The following TEX55 variants were observed in gnomAD, a reference collection of about 807,000 sequenced individuals.
The protein encoded by TEX55 is testis expressed 55, also known as testis-specific expressed protein 55.
In TEX55, 31 loss-of-function variants were observed where a neutral mutation model predicts 44.6. The ratio of observed to expected loss-of-function variants is 0.69; its 90% CI spans 0.52 to 0.94. TEX55 has a LOEUF of 0.94. TEX55 is among the 40% of genes least tolerant of loss of function. The probability of loss-of-function intolerance (pLI) is 0.00; values close to 1 mark genes in which losing one functional copy is unlikely to be tolerated. For missense variants in TEX55, 639 were observed against 638.4 expected (o/e 1.00, Z -0.01); for synonymous variants, 230 against 230.9 (o/e 1.00, Z 0.04).
intron 2 of TEX55, among the ~76,000 whole-genome samples, chr3:119,149,156 T>A (rs1399870902): frequency 1.3e-5 from 2 of 152,248 alleles, no homozygotes; most frequent in East Asian, 1.9e-4. Flanking sequence ...TAATTTTTTT[T>A]AATCTGACTT....
At chr3:119,148,411 T>C (rs1440036107) in intron 2 of TEX55, 88 bp downstream of exon 2, 4 of 1,259,694 alleles carry the variant, frequency 3.2e-6, no homozygotes, top group African/African-American at 1.5e-5. Flanking sequence ...ATATTCTAAT[T>C]GAGAAGACAA....
rs772524159 is a variant in TEX55 at position 119,146,956 on chromosome 3, T to A, written c.767T>A (p.Val256Glu). Residue 256 changes from valine (V) to glutamate (E), a missense_variant, in exon 1 of 3, where the codon GTA becomes GAA. Transcript: ENST00000295622. ...GTACCATCTGACCAAAGACCTTCCG[T>A]ACAGATTGACCGCAGAATGTCAGGG... Reference protein sequence around the residue: ...SSVPSDQRPSVQIDRRMSGKV... With the variant: ...SSVPSDQRPSEQIDRRMSGKV... 7.4e-6 allele frequency: 12 copies of A among 1,614,038 alleles called. No individual in the cohort carries two copies. Among genetic ancestry groups the A allele is most frequent in the Non-Finnish European group, 1.0e-5 (12 of 1,180,008 alleles).
Position 119,147,573 on chromosome 3 carries a change from A to G in TEX55, c.1384A>G (p.Ile462Val). Reference sequence around the variant, plus strand: ...CAGCAGTCAAGAAAAAACTCAAGCCATAGTAACCAAATCTGTAAGTTAAAT... The same window carrying G: ...CAGCAGTCAAGAAAAAACTCAAGCCGTAGTAACCAAATCTGTAAGTTAAAT... ...YTSSQEKTQA[I>V]VTKSDEFSEI... The change falls in exon 1 of 3, where the codon ATA becomes GTA. Residue 462 changes from isoleucine to valine, a missense_variant. Transcript: ENST00000295622. 2 of 1,612,976 alleles carry G rather than the reference A, an allele frequency of 1.2e-6. No individual in the cohort carries two copies. The highest frequency in any genetic ancestry group is 2.2e-5 in the East Asian group (1 of 44,874).
chr3:119,146,223 C>T lies in TEX55; in HGVS notation c.34C>T (p.Pro12Ser), dbSNP rs556044715. 14 of 1,609,558 alleles carry T rather than the reference C, an allele frequency of 8.7e-6. No homozygotes were observed. In the South Asian group the frequency reaches 1.4e-4, roughly 16 times the overall value. ...EEPPQEALAE[P>S]LKHESPAAPS... Reference sequence around the variant, plus strand: ...GCCTCCGCAAGAGGCTCTGGCTGAACCCTTGAAACATGAAAGCCCAGCCGC... The same window carrying T: ...GCCTCCGCAAGAGGCTCTGGCTGAATCCTTGAAACATGAAAGCCCAGCCGC... The change falls in exon 1 of 3, where the codon CCC becomes TCC. Residue 12 changes from proline to serine, a missense_variant. Pro to Ser is a moderately conservative substitution (Grantham distance 74). Coordinates refer to ENST00000295622, the MANE Select transcript of TEX55 (RefSeq NM_152539.3).
rs1378119032 is a variant in TEX55, at chr3:119,146,847, A to C, written c.658A>C (p.Arg220=). 2.5e-6 allele frequency: 4 copies of C among 1,614,118 alleles called. No homozygotes were observed. Among genetic ancestry groups the C allele is most frequent in the Non-Finnish European group, 3.4e-6 (4 of 1,180,046 alleles). ...ACACAGATTATCCAAACTATCTGAG[A>C]GAAGACCTTCTGTGCAGATTGACAG... The part of the protein sequence containing the change: ...ITHRLSKLSE[R]RPSVQIDSGS... The change falls in exon 1 of 3, where the codon AGA becomes CGA. Residue 220 remains arginine, a synonymous_variant. Transcript: ENST00000295622.
intron 2 of TEX55, among the ~76,000 whole-genome samples, chr3:119,149,478 C>G (rs942625869): frequency 6.6e-6 from 1 of 152,134 alleles, no homozygotes. Context: ...CCTGAAAAAC[C>G]TCCCTGCTGT....
In TEX55 at chr3:119,147,506, T is replaced by C. The variant is rs923407321; in HGVS notation, c.1317T>C (p.Leu439=). ...TSNFQAKDQA[L]FPRLPSISSK... ...ACTTCCAAGCAAAAGACCAAGCTCT[T>C]TTCCCAAGACTCCCCTCCATCTCAT... Residue 439 remains leucine (L), a synonymous_variant, in exon 1 of 3, where the codon CTT becomes CTC. Coordinates refer to ENST00000295622, the MANE Select transcript of TEX55 (RefSeq NM_152539.3). 4 of 1,614,010 alleles carry C rather than the reference T, an allele frequency of 2.5e-6. No individual in the cohort carries two copies. The highest frequency in any genetic ancestry group is 1.6e-4 in the Middle Eastern group (1 of 6,084).
chr3:119,146,741 C>T lies in TEX55; in HGVS notation c.552C>T (p.Gly184=). ...GSRQTDHRMA[G]QSERRASEQM... ...GACAGACCGACCACAGAATGGCAGGCCAGTCTGAGAGAAGAGCTTCCGAGC... is the reference window on the plus strand; with the variant it reads ...GACAGACCGACCACAGAATGGCAGGTCAGTCTGAGAGAAGAGCTTCCGAGC... Residue 184 remains glycine (G), a synonymous_variant, in exon 1 of 3, where the codon GGC becomes GGT. Transcript: ENST00000295622. 6.2e-7 allele frequency: 1 copy of T among 1,614,106 alleles called. No individual in the cohort carries two copies. Among genetic ancestry groups the T allele is most frequent in the Non-Finnish European group, 8.5e-7 (1 of 1,179,986 alleles).
Position 119,151,350 on chromosome 3 carries a change from CAGCAAAGTGTAT to C in TEX55, c.*61_*72del. 7.0e-7 allele frequency: 1 copy of C among 1,422,680 alleles called. No homozygotes were observed. Among genetic ancestry groups the C allele is most frequent in the South Asian group, 1.2e-5 (1 of 85,986 alleles). 88.1% of individuals were successfully genotyped at this position (1,422,680 alleles called of 1,614,324 possible). On this transcript the variant is annotated 3_prime_UTR_variant, in exon 3 of 3. Transcript: ENST00000295622. The stretch of plus-strand genomic sequence containing the variant: ...TTTATTGTAAAATACAGCACACATA[CAGCAAAGTGTAT>C]AGAACAAAGTACGTACAACTCTGAA...
rs376596842 is a variant in TEX55 at position 119,146,246 on chromosome 3, C to T, written c.57C>T (p.Ala19=). The change falls in exon 1 of 3, where the codon GCC becomes GCT. Residue 19 remains alanine (A), a synonymous_variant. Transcript: ENST00000295622. ...LAEPLKHESP[A]APSSAGHTKG... ...AACCCTTGAAACATGAAAGCCCAGC[C>T]GCTCCCTCAAGTGCTGGCCACACTA... The T allele has an allele frequency of 6.8e-6, 11 of 1,613,736 alleles. No homozygotes were observed. Among genetic ancestry groups the T allele is most frequent in the African/African-American group, 5.3e-5 (4 of 74,878 alleles).
At chr3:119,150,621 T>C (rs557361508) in intron 2 of TEX55, among the ~76,000 whole-genome samples, 48 of 152,236 alleles carry the variant, frequency 3.2e-4, no homozygotes, top group African/African-American at 1.2e-3. Context: ...ATTTTTGCCA[T>C]TTAGAATCAA....
chr3:119,147,159 G>T lies in TEX55; in HGVS notation c.970G>T (p.Asp324Tyr). 1 of 1,614,136 alleles carries T rather than the reference G, an allele frequency of 6.2e-7. No homozygotes were observed. Among genetic ancestry groups the T allele is most frequent in the South Asian group, 1.1e-5 (1 of 91,074 alleles). The change falls in exon 1 of 3, where the codon GAC becomes TAC. Residue 324 changes from aspartate (D) to tyrosine (Y), a missense_variant. Physicochemically the swap from Asp to Tyr is radical, Grantham distance 160 (BLOSUM62 -3). Transcript: ENST00000295622. ...ATELAEHQAI[D>Y]QAHSNADQPP... The stretch of plus-strand genomic sequence containing the variant: ...TGAACTAGCTGAACACCAGGCTATT[G>T]ACCAAGCTCATAGTAATGCTGATCA...
rs199700120 is a variant in TEX55 at position 119,146,270 on chromosome 3, T to C, written c.81T>C (p.Thr27=). The C allele has an allele frequency of 1.4e-5, 22 of 1,613,612 alleles. 1 individual carries two copies. In the Admixed American group the frequency reaches 3.7e-4, roughly 27 times the overall value. The change falls in exon 1 of 3, where the codon ACT becomes ACC. Residue 27 remains threonine, a synonymous_variant. Coordinates refer to ENST00000295622, the MANE Select transcript of TEX55 (RefSeq NM_152539.3). ...SPAAPSSAGH[T]KGQEEDDQKN... ...CCGCTCCCTCAAGTGCTGGCCACAC[T>C]AAGGGCCAGGAAGAAGACGACCAGA...
chr3:119,150,355 G>A (rs991253401), intron 2 of TEX55, among the ~76,000 whole-genome samples: 1 of 151,856 alleles, frequency 6.6e-6, no homozygotes, highest in African/African-American at 2.4e-5. Context: ...GCTTATGCGT[G>A]CAACATTGTT....
chr3:119,150,606 A>C (rs1488955027), intron 2 of TEX55, among the ~76,000 whole-genome samples: 1 of 152,120 alleles, frequency 6.6e-6, no homozygotes, highest in Non-Finnish European at 1.5e-5. Context: ...ATAATACTGA[A>C]CATCATTTTT....
At chr3:119,147,834 G>A (rs1431762551) in intron 1 of TEX55, among the ~76,000 whole-genome samples, 1 of 152,146 alleles carries the variant, frequency 6.6e-6, no homozygotes, top group Non-Finnish European at 1.5e-5. Flanking sequence ...CAGGATTCAG[G>A]AAACCTGCAT....
chr3:119,149,148 A>T (rs1328058315), intron 2 of TEX55, among the ~76,000 whole-genome samples: 3 of 152,012 alleles, frequency 2.0e-5, no homozygotes, highest in African/African-American at 7.2e-5. Flanking sequence ...TAAATTTTTA[A>T]TTTTTTTTAA....
chr3:119,150,077 T>C (rs2077767386), intron 2 of TEX55, among the ~76,000 whole-genome samples: 1 of 152,184 alleles, frequency 6.6e-6, no homozygotes. Flanking sequence ...TTCTTATCTT[T>C]GTGATTTGGG....
At chr3:119,147,625 C>A in intron 1 of TEX55, 38 bp downstream of exon 1, 1 of 1,551,306 alleles carries the variant, frequency 6.4e-7, no homozygotes, top group South Asian at 1.2e-5. Context: ...CCTGGGAGAT[C>A]AGAGATCTAG....
Sources: allele counts gnomAD v4.1 joint callset (sites outside exome capture counted in the v4.1 genomes callset), GRCh38; gene constraint gnomAD v4.1.1; transcripts MANE v1.5; gene names NCBI Gene and HGNC (gene_info 2026-07-23, HGNC 2026-07-21).